The following FAF1 variants were observed in gnomAD, a reference collection of about 807,000 sequenced individuals.
FAF1 encodes FAS-associated factor 1.
FAF1 carries 25 observed loss-of-function variants against 92.5 expected under a neutral mutation model. The observed-to-expected ratio is 0.27, with a 90% CI of 0.20 to 0.38. The LOEUF (loss-of-function observed/expected upper bound fraction) is 0.38. FAF1 is among the 10% of genes least tolerant of loss of function. The pLI is 1.00. For synonymous variants in FAF1, 234 were observed against 273.2 expected (o/e 0.86, Z 1.42); for missense variants, 636 against 793.3 (o/e 0.80, Z 2.38).
At chr1:50,779,064 C>G (rs1661066995) in intron 4 of FAF1, among the ~76,000 whole-genome samples, 1 of 152,130 alleles carries the variant, frequency 6.6e-6, no homozygotes, top group African/African-American at 2.4e-5. Context: ...TTATGCATAG[C>G]GTCTTCATCA....
At chr1:50,582,379 A>T in intron 12 of FAF1, 1 of 426,356 alleles carries the variant, frequency 2.3e-6, no homozygotes, top group Middle Eastern at 6.4e-4. Context: ...TAAAGTCTCC[A>T]ATCTCAAAAT....
chr1:50,533,181 G>A (rs908666614), intron 15 of FAF1, among the ~76,000 whole-genome samples: 1 of 151,828 alleles, frequency 6.6e-6, no homozygotes, highest in Admixed American at 6.6e-5. Flanking sequence ...ATGGCTCCCT[G>A]TAGCCTCAGC....
At chr1:50,844,700 A>T (rs757303663) in intron 2 of FAF1, among the ~76,000 whole-genome samples, 4 of 151,906 alleles carry the variant, frequency 2.6e-5, no homozygotes, top group Non-Finnish European at 4.4e-5. Context: ...AGTATCAATA[A>T]ATTAGAGATG....
chr1:50,873,339 G>A (rs1186400807), intron 1 of FAF1, among the ~76,000 whole-genome samples: 1 of 152,134 alleles, frequency 6.6e-6, no homozygotes, highest in Non-Finnish European at 1.5e-5. Flanking sequence ...CTCACTTTTT[G>A]AGGCTAACGA....
intron 2 of FAF1, among the ~76,000 whole-genome samples, chr1:50,821,884 A>C (rs1021058100): frequency 2.0e-5 from 3 of 152,088 alleles, no homozygotes; most frequent in Non-Finnish European, 4.4e-5. Flanking sequence ...GATTGCAGAC[A>C]ACTTATTTCT....
intron 4 of FAF1, among the ~76,000 whole-genome samples, chr1:50,785,751 T>A (rs1252671009): frequency 6.6e-6 from 1 of 152,178 alleles, no homozygotes; most frequent in East Asian, 1.9e-4. Context: ...CAAAAAATTA[T>A]AAATTAAACT....
chr1:50,813,803 T>C (rs1643940417), intron 2 of FAF1, among the ~76,000 whole-genome samples: 1 of 151,684 alleles, frequency 6.6e-6, no homozygotes, highest in Admixed American at 6.6e-5. Context: ...AATCCACAGC[T>C]TCATTTAAAA....
intron 7 of FAF1, among the ~76,000 whole-genome samples, chr1:50,691,543 AC>A (rs1277767375): frequency 6.6e-6 from 1 of 151,876 alleles, no homozygotes; most frequent in African/African-American, 2.4e-5. Context: ...CATACAGCCT[AC>A]CTTTTAAAAT....
chr1:50,697,513 C>T (rs1031668448), intron 7 of FAF1, among the ~76,000 whole-genome samples: 5 of 152,016 alleles, frequency 3.3e-5, no homozygotes, highest in African/African-American at 9.7e-5. Context: ...GCTACAGGGC[C>T]GTATATAGGA....
intron 9 of FAF1, among the ~76,000 whole-genome samples, chr1:50,590,981 C>CAA (rs1651474776): frequency 6.8e-6 from 1 of 146,396 alleles, no homozygotes; most frequent in Non-Finnish European, 1.5e-5. Context: ...GACTCTGTCT[C>CAA]CAAAAAAAAA....
chr1:50,807,186 G>T (rs999515541), intron 2 of FAF1, among the ~76,000 whole-genome samples: 3 of 152,246 alleles, frequency 2.0e-5, no homozygotes, highest in East Asian at 1.9e-4. Context: ...AATGGCAATT[G>T]TAAGAAAGAA....
Position 50,864,770 on chromosome 1 carries a change from G to A in FAF1, c.46-6773C>T, listed in dbSNP as rs1284470969. On this transcript the variant is annotated intron_variant, in intron 1 of 18. Transcript: ENST00000396153. Reference sequence around the variant, plus strand: ...AAACCTAGGCATTACCATTCAGGACGTAGGCATGGGCAAGGACTTCATGTG... The same window carrying A: ...AAACCTAGGCATTACCATTCAGGACATAGGCATGGGCAAGGACTTCATGTG... Among the ~76,000 whole-genome samples the A allele has an allele frequency of 1.9e-3, 289 of 152,180 alleles. 4 individuals are homozygous for A. In the South Asian group the frequency reaches 0.035, roughly 19 times the overall value.
chr1:50,855,090 T>C (rs1227157241), intron 2 of FAF1, among the ~76,000 whole-genome samples: 1 of 151,878 alleles, frequency 6.6e-6, no homozygotes, highest in Non-Finnish European at 1.5e-5. Flanking sequence ...ATAATGTAAA[T>C]ATACCAAAAT....
At chr1:50,713,849 CTG>C (rs1381776927) in intron 6 of FAF1, among the ~76,000 whole-genome samples, 1 of 148,492 alleles carries the variant, frequency 6.7e-6, no homozygotes, top group Non-Finnish European at 1.5e-5. Context: ...TCTCGGTTCA[CTG>C]TAACCTCTGC....
chr1:50,637,681 A>ATGTGTATG (rs1553123410), intron 8 of FAF1, among the ~76,000 whole-genome samples: 4 of 137,098 alleles, frequency 2.9e-5, no homozygotes, highest in African/African-American at 1.1e-4. Context: ...ACATATATAT[A>ATGTGTATG]TGTGTGTGTG....
intron 8 of FAF1, among the ~76,000 whole-genome samples, chr1:50,630,828 C>CTTTTTTT (rs1052085908): frequency 2.1e-4 from 22 of 102,516 alleles, no homozygotes; most frequent in South Asian, 3.3e-4. Flanking sequence ...TGTATCATAT[C>CTTTTTTT]TTTTTTTTTT....
At chr1:50,493,760 A>C (rs1646868037) in intron 15 of FAF1, among the ~76,000 whole-genome samples, 1 of 152,236 alleles carries the variant, frequency 6.6e-6, no homozygotes, top group South Asian at 2.1e-4. Flanking sequence ...TATTGTTTAC[A>C]GCAACAATTA....
chr1:50,468,914 A>C (rs1421818042), intron 18 of FAF1, among the ~76,000 whole-genome samples: 1 of 152,226 alleles, frequency 6.6e-6, no homozygotes, highest in Non-Finnish European at 1.5e-5. Flanking sequence ...AAATTTAAAA[A>C]ATTTAAAACT....
chr1:50,781,055 T>C, intron 4 of FAF1: 1 of 424,534 alleles, frequency 2.4e-6, no homozygotes, highest in South Asian at 1.7e-5. Flanking sequence ...CTGTGCAAGA[T>C]GGAAGTCACA....
Sources: gnomAD v4.1 joint callset for allele counts (sites outside exome capture counted in the v4.1 genomes callset) on GRCh38, gnomAD v4.1.1 for gene constraint, MANE v1.5 for transcripts, NCBI Gene and HGNC (gene_info 2026-07-23, HGNC 2026-07-21) for gene names.